CTU2: variants seen among roughly 807,000 people sequenced by gnomAD.
CTU2 encodes the protein cytoplasmic tRNA 2-thiolation protein 2.
Under a neutral mutation model 64.1 loss-of-function variants are expected in CTU2, and 80 were observed. The observed-to-expected ratio is 1.25, with a 90% CI of 1.04 to 1.50. CTU2 has a LOEUF of 1.50. CTU2 is among the 40% of genes most tolerant of loss of function. The pLI is 0.00. For missense variants in CTU2, 1,110 were observed against 690.2 expected, an observed-to-expected ratio of 1.61 and a Z score of -6.81; for synonymous variants, 482 against 285.3, an observed-to-expected ratio of 1.69 and a Z score of -6.95.
chr16:88,706,772 A>G (rs1373321817), intron 1 of CTU2, 174 bp downstream of exon 1: 3 of 527,858 alleles, frequency 5.7e-6, no homozygotes, highest in Non-Finnish European at 9.8e-6. Context: ...AAGGGGACTT[A>G]CTCCACTGGC....
intron 2 of CTU2, 93 bp from the exon 3 acceptor site, chr16:88,709,845 A>G (rs894738157): frequency 2.9e-6 from 3 of 1,024,522 alleles, no homozygotes; most frequent in Non-Finnish European, 4.6e-6. Context: ...AAAGATGGAG[A>G]TTGGCAAAGG....
chr16:88,713,547 C>T lies in CTU2; in HGVS notation c.873+100C>T, dbSNP rs561545735. 1.0e-4 allele frequency: 159 copies of T among 1,550,592 alleles called. No homozygotes were observed. In the African/African-American group the frequency reaches 2.0e-3, roughly 19 times the overall value. Reference sequence around the variant, plus strand: ...CTCTCGCGTATCAGTCCTGCGGCCTCGGATGGTGGTGGGGTCTGTGACCTC... The same window carrying T: ...CTCTCGCGTATCAGTCCTGCGGCCTTGGATGGTGGTGGGGTCTGTGACCTC... On this transcript the variant is annotated intron_variant, in intron 8 of 14. Coordinates refer to ENST00000453996, the MANE Select transcript of CTU2 (RefSeq NM_001012759.3).
Position 88,710,242 on chromosome 16 carries a change from G to C in CTU2, c.242G>C (p.Gly81Ala), listed in dbSNP as rs2142713603. 1.9e-6 allele frequency: 3 copies of C among 1,614,084 alleles called. No homozygotes were observed. The Middle Eastern group carries it at 4.9e-4, about 266-fold the overall frequency. Reference sequence around the variant, plus strand: ...CCCCAGGTGCTCTTGGCGTGGTCTGGGGGGCCTTCGTCCAGCTCCATGGTC... The same window carrying C: ...CCCCAGGTGCTCTTGGCGTGGTCTGCGGGGCCTTCGTCCAGCTCCATGGTC... ...PGEKVLLAWS[G>A]GPSSSSMVWQ... The change falls in exon 4 of 15, where the codon GGG becomes GCG. Residue 81 changes from glycine to alanine, a missense_variant. Coordinates refer to ENST00000453996, the MANE Select transcript of CTU2 (RefSeq NM_001012759.3).
chr16:88,715,140 A>G, intron 14 of CTU2, 34 bp downstream of exon 14: 5 of 1,607,826 alleles, frequency 3.1e-6, no homozygotes, highest in East Asian at 2.2e-5. Context: ...GCGCGTGGGT[A>G]AGGGGCCTCG....
At chr16:88,706,713 C>T in intron 1 of CTU2, 115 bp downstream of exon 1, 2 of 720,148 alleles carry the variant, frequency 2.8e-6, no homozygotes, top group Non-Finnish European at 4.1e-6. Context: ...AGCGGGACCT[C>T]GCTCCCTAGC....
rs781681529 is a variant in CTU2, at chr16:88,710,292, C to T, written c.282+10C>T. On this transcript the variant is annotated intron_variant, in intron 4 of 14. Coordinates refer to ENST00000453996, the MANE Select transcript of CTU2 (RefSeq NM_001012759.3). ...CTGGCAGGTTCTTGAGGTGCGTGTTCACCACCCCGTGGGCCCGGGCTGCTG... is the reference window on the plus strand; with the variant it reads ...CTGGCAGGTTCTTGAGGTGCGTGTTTACCACCCCGTGGGCCCGGGCTGCTG... 8.7e-6 allele frequency: 14 copies of T among 1,613,716 alleles called. No homozygotes were observed. The African/African-American group carries it at 1.1e-4, about 12-fold the overall frequency.
chr16:88,711,963 C>T (rs1567648322), intron 5 of CTU2: 4 of 606,142 alleles, frequency 6.6e-6, no homozygotes, highest in Non-Finnish European at 1.2e-5. Flanking sequence ...GGCGGCTGCC[C>T]AGCCCCCATC....
At chr16:88,714,115 C>G (rs765613896) in intron 9 of CTU2, 21 bp from the exon 10 acceptor site, 2 of 1,610,334 alleles carry the variant, frequency 1.2e-6, no homozygotes, top group African/African-American at 2.7e-5. Context: ...TTCCCATAGC[C>G]TCCAATCTGA....
At position 88,714,538 on chromosome 16, in the gene CTU2, T is replaced by C. The variant is rs571016972; in HGVS notation, c.1202-49T>C. ...TGCGGGGAGGGAGCCAGGGAGTGGG[T>C]GTGGGGGCTCAGCAGCCCCAGGCTC... On this transcript the variant is annotated intron_variant, in intron 11 of 14. Coordinates refer to ENST00000453996, the MANE Select transcript of CTU2 (RefSeq NM_001012759.3). 3.1e-6 allele frequency: 5 copies of C among 1,612,484 alleles called. No homozygotes were observed. In the South Asian group the frequency reaches 5.5e-5, roughly 18 times the overall value.
At position 88,712,820 on chromosome 16, in the gene CTU2, G is replaced by C. The variant is rs756064489; in HGVS notation, c.652G>C (p.Ala218Pro). ...LDPQNLARPP[A>P]PAQTEALSQL... ...CCCCCAGAACCTGGCAAGACCGCCT[G>C]CCCCTGCCCAGACTGAGGCTCTTTC... Residue 218 changes from alanine to proline, a missense_variant, in exon 7 of 15, where the codon GCC becomes CCC. Transcript: ENST00000453996. The C allele has an allele frequency of 6.3e-7, 1 of 1,599,400 alleles. No homozygotes were observed. The highest frequency in any genetic ancestry group is 1.1e-5 in the South Asian group (1 of 89,536).
At chr16:88,708,092 G>C (rs1184879467) in intron 2 of CTU2, among the ~76,000 whole-genome samples, 2 of 152,192 alleles carry the variant, frequency 1.3e-5, no homozygotes, top group African/African-American at 4.8e-5. Context: ...GGGATTACAG[G>C]CATGAGCCAC....
intron 2 of CTU2, among the ~76,000 whole-genome samples, chr16:88,707,639 G>A (rs1285987505): frequency 6.6e-6 from 1 of 152,166 alleles, no homozygotes; most frequent in Admixed American, 6.5e-5. Context: ...TAGAGGCTTG[G>A]AAGACCTCTA....
chr16:88,712,411 C>A (rs1194930309), intron 6 of CTU2, 28 bp downstream of exon 6: 2 of 1,556,538 alleles, frequency 1.3e-6, no homozygotes, highest in Admixed American at 1.9e-5. Flanking sequence ...GGAAAGGGGT[C>A]CCGGAGGTGA....
At chr16:88,706,757 C>T in intron 1 of CTU2, 159 bp downstream of exon 1, 1 of 549,308 alleles carries the variant, frequency 1.8e-6, no homozygotes, top group South Asian at 2.8e-5. Flanking sequence ...GTGACGGCCA[C>T]CTAGAAGGGG....
At position 88,711,993 on chromosome 16, in the gene CTU2, A is replaced by T. The variant is rs983578269; in HGVS notation, c.344-281A>T. 4 of 611,202 alleles carry T rather than the reference A, an allele frequency of 6.5e-6. No homozygotes were observed. In the African/African-American group the frequency reaches 7.6e-5, roughly 12 times the overall value. The allele number at this position is 611,202 out of a possible 1,614,324, so 37.9% of individuals were successfully genotyped here. A position where few individuals can be genotyped will look rare whatever the true frequency, so the allele number is the denominator to read the frequency against. Reference sequence around the variant, plus strand: ...CCCATCACGGGGTCTGGGGACAAAGAAGGGCAAGTTAAGTGCTGATGGTGA... The same window carrying T: ...CCCATCACGGGGTCTGGGGACAAAGTAGGGCAAGTTAAGTGCTGATGGTGA... On this transcript the variant is annotated intron_variant, in intron 5 of 14. Coordinates refer to ENST00000453996, the MANE Select transcript of CTU2 (RefSeq NM_001012759.3).
In CTU2 at chr16:88,714,668, C is replaced by A. The variant is rs985393753; in HGVS notation, c.1283C>A (p.Thr428Lys). 1.2e-6 allele frequency: 2 copies of A among 1,612,384 alleles called. No homozygotes were observed. The highest frequency in any genetic ancestry group is 1.7e-6 in the Non-Finnish European group (2 of 1,179,836). Reference protein sequence around the residue: ...QSPIPLTETRTPPGPCCSPGV... With the variant: ...QSPIPLTETRKPPGPCCSPGV... The stretch of plus-strand genomic sequence containing the variant: ...CCCATCCCCCTGACTGAGACCCGGA[C>A]ACCCCCGGGGCCCTGCTGTTCTCCA... Residue 428 changes from threonine (T) to lysine (K), a missense_variant, in exon 12 of 15, where the codon ACA becomes AAA. By Grantham distance (78) the Thr-to-Lys change is moderately conservative. Coordinates refer to ENST00000453996, the MANE Select transcript of CTU2 (RefSeq NM_001012759.3).
At chr16:88,713,937 G>A (rs1911613250) in intron 9 of CTU2, among the ~76,000 whole-genome samples, 159 bp downstream of exon 9, 1 of 152,246 alleles carries the variant, frequency 6.6e-6, no homozygotes, top group African/African-American at 2.4e-5. Flanking sequence ...CCTGTGCCGT[G>A]AGGGTGTGGG....
intron 1 of CTU2, 178 bp downstream of exon 1, chr16:88,706,776 C>T (rs1017256161): frequency 3.4e-5 from 18 of 531,900 alleles, no homozygotes; most frequent in East Asian, 2.2e-4. Flanking sequence ...GGACTTACTC[C>T]ACTGGCTCGC....
chr16:88,711,602 TGG>T, intron 4 of CTU2, 31 bp from the exon 5 acceptor site: 1 of 1,569,732 alleles, frequency 6.4e-7, no homozygotes, highest in Non-Finnish European at 8.7e-7. Context: ...GGCTTATGGC[TGG>T]GGGCTGAGTC....
Sources: gnomAD v4.1 joint callset for allele counts (sites outside exome capture counted in the v4.1 genomes callset) on GRCh38, gnomAD v4.1.1 for gene constraint, MANE v1.5 for transcripts, NCBI Gene and HGNC (gene_info 2026-07-23, HGNC 2026-07-21) for gene names.